The following NRG1 variants were observed in gnomAD, a reference collection of about 807,000 sequenced individuals.
The protein encoded by NRG1 is pro-neuregulin-1, membrane-bound isoform.
NRG1 carries 18 observed loss-of-function variants against 63.8 expected under a neutral mutation model. The ratio of observed to expected loss-of-function variants is 0.28; its 90% CI spans 0.19 to 0.42. The LOEUF is 0.42. NRG1 is among the 10% of genes least tolerant of loss of function. The pLI, the probability that NRG1 is intolerant of heterozygous loss-of-function variation, is 1.00. For missense variants in NRG1, 762 were observed against 814.7 expected (o/e 0.94, Z 0.79); for synonymous variants, 302 against 301.3 (o/e 1.00, Z -0.02).
intron 7 of NRG1, among the ~76,000 whole-genome samples, chr8:32,750,710 CAAAAA>C (rs34624230): frequency 1.2e-4 from 15 of 124,340 alleles, no homozygotes; most frequent in South Asian, 2.7e-4. Flanking sequence ...ATTTCTTCCT[CAAAAA>C]AAAAAAAAAA....
intron 1 of NRG1, among the ~76,000 whole-genome samples, chr8:32,259,213 C>T (rs529837688): frequency 4.6e-5 from 7 of 152,246 alleles, no homozygotes; most frequent in African/African-American, 1.7e-4. Context: ...TTTGAATGTC[C>T]CTATCAAAAC....
At chr8:32,685,438 GC>G (rs1309367617) in intron 5 of NRG1, among the ~76,000 whole-genome samples, 1 of 152,134 alleles carries the variant, frequency 6.6e-6, no homozygotes, top group African/African-American at 2.4e-5. Flanking sequence ...TGCAGACAAA[GC>G]CCAACTCTTT....
At chr8:31,639,885 G>A in intron 1 of NRG1, 1 of 1,088,508 alleles carries the variant, frequency 9.2e-7, no homozygotes, top group Non-Finnish European at 1.1e-6. Context: ...AAGGGGGGAG[G>A]AGGAGGAGTG....
intron 5 of NRG1, chr8:32,721,691 A>G: frequency 2.7e-6 from 1 of 372,008 alleles, no homozygotes; most frequent in Non-Finnish European, 4.4e-6. Context: ...AAAGGATTGA[A>G]TGACTTCTCA....
chr8:32,669,987 C>T (rs1487912208), intron 5 of NRG1, among the ~76,000 whole-genome samples: 1 of 152,190 alleles, frequency 6.6e-6, no homozygotes, highest in Non-Finnish European at 1.5e-5. Context: ...TCTAGATGAA[C>T]ATTCAATTTC....
chr8:31,957,552 C>A (rs1352176420), intron 1 of NRG1, among the ~76,000 whole-genome samples: 2 of 149,424 alleles, frequency 1.3e-5, no homozygotes, highest in South Asian at 2.1e-4. Flanking sequence ...CTAGTACCCA[C>A]ATTTCCAAAA....
At chr8:32,548,260 G>A (rs1833339357), upstream of NRG1, 1 of 986,236 alleles carries the variant, frequency 1.0e-6, no homozygotes, top group African/African-American at 1.7e-5. Flanking sequence ...CTGCGGGCGG[G>A]AGGTGGGTGG....
chr8:32,763,462 C>T (rs1360302051), intron 11 of NRG1: 8 of 1,276,282 alleles, frequency 6.3e-6, no homozygotes, highest in African/African-American at 4.5e-5. Context: ...TGTCTTGGCT[C>T]ATATGCCATT....
intron 5 of NRG1, among the ~76,000 whole-genome samples, chr8:32,687,786 G>T (rs927909244): frequency 5.3e-5 from 8 of 152,198 alleles, no homozygotes; most frequent in Non-Finnish European, 1.0e-4. Context: ...TACAAGTAAA[G>T]CTCTTTATCC....
At chr8:31,905,141 T>C (rs1832417655) in intron 1 of NRG1, among the ~76,000 whole-genome samples, 1 of 152,072 alleles carries the variant, frequency 6.6e-6, no homozygotes, top group African/African-American at 2.4e-5. Context: ...TGAGAAAGCA[T>C]AGAGTCCCAG....
intron 1 of NRG1, among the ~76,000 whole-genome samples, chr8:32,364,957 C>CTTTTTTGTTTTTTTT: frequency 9.2e-6 from 1 of 108,462 alleles, no homozygotes; most frequent in Non-Finnish European, 1.8e-5. Flanking sequence ...CCCTTTACTA[C>CTTTTTTGTTTTTTTT]TTTTTTTTTT....
intron 1 of NRG1, among the ~76,000 whole-genome samples, chr8:32,022,882 A>C (rs895113894): frequency 1.3e-5 from 2 of 152,184 alleles, no homozygotes; most frequent in African/African-American, 4.8e-5. Context: ...TTATCTCTAT[A>C]ACTCAACAAT....
At chr8:32,536,266 G>A (rs780063250) in intron 1 of NRG1, among the ~76,000 whole-genome samples, 25 of 152,192 alleles carry the variant, frequency 1.6e-4, no homozygotes, top group Middle Eastern at 3.4e-3. Flanking sequence ...GGATTAATTC[G>A]TTGTAGCTGT....
intron 1 of NRG1, among the ~76,000 whole-genome samples, chr8:32,504,386 T>C (rs990702513): frequency 6.6e-6 from 1 of 152,238 alleles, no homozygotes; most frequent in African/African-American, 2.4e-5. Flanking sequence ...TCAGATAAAC[T>C]TGAAAACATG....
At chr8:31,987,733 CT>C (rs149918909) in intron 1 of NRG1, among the ~76,000 whole-genome samples, 2,089 of 152,052 alleles carry the variant, frequency 0.014, 48 homozygotes, top group African/African-American at 0.045. Context: ...ACATGTGCCC[CT>C]GAACCTAAAA....
intron 7 of NRG1, among the ~76,000 whole-genome samples, chr8:32,746,634 T>G (rs1288831617): frequency 6.6e-6 from 1 of 152,136 alleles, no homozygotes; most frequent in East Asian, 1.9e-4. Context: ...TTTAAATTAA[T>G]TTTTTATATT....
At chr8:32,255,402 C>G (rs1213262398) in intron 1 of NRG1, among the ~76,000 whole-genome samples, 1 of 152,168 alleles carries the variant, frequency 6.6e-6, no homozygotes, top group African/African-American at 2.4e-5. Context: ...GGCAAAACCT[C>G]TCAGCATTTG....
chr8:31,719,146 T>C (rs1812655571), intron 1 of NRG1, among the ~76,000 whole-genome samples: 1 of 152,192 alleles, frequency 6.6e-6, no homozygotes, highest in South Asian at 2.1e-4. Context: ...CTTTCTAGTC[T>C]ATGTTCCCTC....
At chr8:32,229,622 T>C (rs900818870) in intron 1 of NRG1, among the ~76,000 whole-genome samples, 10 of 152,146 alleles carry the variant, frequency 6.6e-5, no homozygotes, top group Non-Finnish European at 1.5e-4. Flanking sequence ...TAAAGCACCG[T>C]CTGCCCTTGG....
Sources: gnomAD v4.1 joint callset for allele counts (sites outside exome capture counted in the v4.1 genomes callset) on GRCh38, gnomAD v4.1.1 for gene constraint, MANE v1.5 for transcripts, NCBI Gene and HGNC (gene_info 2026-07-23, HGNC 2026-07-21) for gene names.